GRXCR1: variants seen among roughly 807,000 people sequenced by gnomAD.
GRXCR1 encodes glutaredoxin domain-containing cysteine-rich protein 1.
GRXCR1 carries 27 observed loss-of-function variants against 27.3 expected under a neutral mutation model. That is an observed-to-expected ratio of 0.99 (90% CI 0.73 to 1.37). The LOEUF is 1.37. Ranked by LOEUF, GRXCR1 falls within the 40% of genes most tolerant of loss-of-function variation. GRXCR1 has a pLI of 0.00. For missense variants in GRXCR1, 379 were observed against 354.4 expected, an observed-to-expected ratio of 1.07 and a Z score of -0.56; for synonymous variants, 122 against 131.1, an observed-to-expected ratio of 0.93 and a Z score of 0.47.
chr4:43,025,470 T>G (rs1355535245), intron 3 of GRXCR1, among the ~76,000 whole-genome samples: 2 of 152,230 alleles, frequency 1.3e-5, no homozygotes, highest in African/African-American at 4.8e-5. Context: ...CAGGAATAAA[T>G]GAACAGAAAG....
chr4:43,013,034 T>C (rs768859981), intron 2 of GRXCR1, among the ~76,000 whole-genome samples: 8 of 152,118 alleles, frequency 5.3e-5, no homozygotes, highest in Non-Finnish European at 1.2e-4. Context: ...CAGACGCTAG[T>C]GAGGCTGCAG....
chr4:42,937,489 C>CT (rs1747488230), intron 1 of GRXCR1, among the ~76,000 whole-genome samples: 1 of 151,880 alleles, frequency 6.6e-6, no homozygotes, highest in Admixed American at 6.6e-5. Flanking sequence ...TAGGACCTCT[C>CT]AGCTGACAGA....
intron 2 of GRXCR1, among the ~76,000 whole-genome samples, chr4:42,979,711 G>A: frequency 6.6e-6 from 1 of 151,934 alleles, no homozygotes; most frequent in Non-Finnish European, 1.5e-5. Context: ...TTTATTGGAA[G>A]AGATTTTTTT....
chr4:42,977,789 T>A (rs1748559097), intron 2 of GRXCR1, among the ~76,000 whole-genome samples: 2 of 152,070 alleles, frequency 1.3e-5, no homozygotes, highest in South Asian at 4.1e-4. Context: ...TTTTGTCTTG[T>A]GCAGATGTTT....
At chr4:42,975,307 T>A (rs1163880840) in intron 2 of GRXCR1, among the ~76,000 whole-genome samples, 1 of 152,120 alleles carries the variant, frequency 6.6e-6, no homozygotes, top group Non-Finnish European at 1.5e-5. Flanking sequence ...AGCAATTTAT[T>A]GTCACCTCCT....
intron 2 of GRXCR1, among the ~76,000 whole-genome samples, chr4:43,016,646 T>C (rs1028629862): frequency 1.3e-5 from 2 of 152,044 alleles, no homozygotes; most frequent in South Asian, 4.2e-4. Flanking sequence ...TGTGTGTGTG[T>C]GTGTGTGTGT....
chr4:42,984,285 T>A (rs1711605590), intron 2 of GRXCR1, among the ~76,000 whole-genome samples: 1 of 152,252 alleles, frequency 6.6e-6, no homozygotes, highest in Non-Finnish European at 1.5e-5. Context: ...TCACTTTTTA[T>A]TTTTCTCATT....
intron 2 of GRXCR1, among the ~76,000 whole-genome samples, chr4:43,006,042 A>T (rs1712546696): frequency 6.6e-6 from 1 of 152,186 alleles, no homozygotes; most frequent in Non-Finnish European, 1.5e-5. Flanking sequence ...ATAATTTCTT[A>T]TGCCTGTCTT....
At chr4:42,976,210 G>A (rs979206119) in intron 2 of GRXCR1, among the ~76,000 whole-genome samples, 45 of 151,864 alleles carry the variant, frequency 3.0e-4, no homozygotes, top group Non-Finnish European at 5.4e-4. Flanking sequence ...AGTATAAAGC[G>A]GTTCTGTTTA....
At chr4:42,968,330 A>G (rs939962492) in intron 2 of GRXCR1, among the ~76,000 whole-genome samples, 1 of 152,152 alleles carries the variant, frequency 6.6e-6, no homozygotes, top group Non-Finnish European at 1.5e-5. Flanking sequence ...TTAAAACATT[A>G]TTATTGTTTA....
chr4:42,909,718 T>TA (rs1746675356), intron 1 of GRXCR1, among the ~76,000 whole-genome samples: 1 of 152,170 alleles, frequency 6.6e-6, no homozygotes, highest in Admixed American at 6.6e-5. Flanking sequence ...TGCCCTCAGC[T>TA]AATCTGTTCA....
At chr4:43,021,605 T>C (rs545975572) in intron 3 of GRXCR1, among the ~76,000 whole-genome samples, 52 of 152,310 alleles carry the variant, frequency 3.4e-4, no homozygotes, top group African/African-American at 1.2e-3. Flanking sequence ...CTCAATGTAC[T>C]GCAGACCTAT....
intron 1 of GRXCR1, among the ~76,000 whole-genome samples, chr4:42,918,054 G>T (rs1383572038): frequency 1.3e-5 from 2 of 152,096 alleles, no homozygotes; most frequent in Non-Finnish European, 2.9e-5. Context: ...AAGCAGCAGA[G>T]ATCAGAATAA....
intron 1 of GRXCR1, among the ~76,000 whole-genome samples, chr4:42,894,304 T>A (rs962810436): frequency 6.6e-6 from 1 of 152,158 alleles, no homozygotes; most frequent in East Asian, 1.9e-4. Flanking sequence ...ATGTGATAGA[T>A]TCTGCAGAGT....
At chr4:43,028,527 A>G (rs1577951719) in intron 3 of GRXCR1, among the ~76,000 whole-genome samples, 1 of 152,266 alleles carries the variant, frequency 6.6e-6, no homozygotes, top group East Asian at 1.9e-4. Flanking sequence ...GACTTGATGC[A>G]CTTGTTGTAC....
chr4:43,000,198 G>T (rs1415592797), intron 2 of GRXCR1, among the ~76,000 whole-genome samples: 1 of 152,112 alleles, frequency 6.6e-6, no homozygotes, highest in Non-Finnish European at 1.5e-5. Flanking sequence ...GCGTCTAAGG[G>T]GGTGGGCACT....
chr4:42,975,064 A>G (rs1748481460), intron 2 of GRXCR1, among the ~76,000 whole-genome samples: 1 of 152,138 alleles, frequency 6.6e-6, no homozygotes, highest in African/African-American at 2.4e-5. Flanking sequence ...TGGGACTCCT[A>G]TGGCCAAGGG....
chr4:42,959,608 ATTAT>A (rs1480062126), intron 1 of GRXCR1, among the ~76,000 whole-genome samples: 1 of 151,830 alleles, frequency 6.6e-6, no homozygotes, highest in African/African-American at 2.4e-5. Flanking sequence ...GACTGCAGTA[ATTAT>A]TTAACTCTGT....
chr4:42,980,099 C>A (rs1161020338), intron 2 of GRXCR1, among the ~76,000 whole-genome samples: 3 of 151,728 alleles, frequency 2.0e-5, no homozygotes, highest in Non-Finnish European at 2.9e-5. Context: ...TTTCAATAAA[C>A]CAACTCAGTT....
Sources: allele counts gnomAD v4.1 joint callset (sites outside exome capture counted in the v4.1 genomes callset), GRCh38; gene constraint gnomAD v4.1.1; transcripts MANE v1.5; gene names NCBI Gene and HGNC (gene_info 2026-07-23, HGNC 2026-07-21).